Variants in NKAIN2 observed in about 807,000 individuals in gnomAD.
NKAIN2 encodes the protein sodium/potassium transporting ATPase interacting 2.
A neutral mutation model predicts 32.6 loss-of-function variants in NKAIN2; 14 were observed. That is an observed-to-expected ratio of 0.43 (90% CI 0.28 to 0.67). NKAIN2 has a LOEUF of 0.67. NKAIN2 is among the 30% of genes least tolerant of loss of function. The pLI is 0.17. For missense variants in NKAIN2, 198 were observed against 258.3 expected, an observed-to-expected ratio of 0.77 and a Z score of 1.60; for synonymous variants, 80 against 87.2, an observed-to-expected ratio of 0.92 and a Z score of 0.46.
chr6:123,968,567 T>C (rs965868801), intron 1 of NKAIN2, among the ~76,000 whole-genome samples: 3 of 152,186 alleles, frequency 2.0e-5, no homozygotes, highest in African/African-American at 7.2e-5. Flanking sequence ...AGATTCTTCA[T>C]TTATTTCTGC....
chr6:124,704,316 A>T (rs547276810), intron 4 of NKAIN2, among the ~76,000 whole-genome samples: 14 of 152,156 alleles, frequency 9.2e-5, no homozygotes, highest in Admixed American at 3.3e-4. Context: ...AGAAAGAAGA[A>T]ATACAGAGCA....
intron 4 of NKAIN2, among the ~76,000 whole-genome samples, chr6:124,677,167 C>T (rs781736345): frequency 4.6e-5 from 7 of 152,150 alleles, no homozygotes; most frequent in Non-Finnish European, 8.8e-5. Context: ...CAAGGTTTCA[C>T]CATGTTGGCC....
At chr6:124,263,486 T>C (rs1355608229) in intron 1 of NKAIN2, among the ~76,000 whole-genome samples, 1 of 152,206 alleles carries the variant, frequency 6.6e-6, no homozygotes, top group Non-Finnish European at 1.5e-5. Context: ...TCTGCCTGAC[T>C]CTGTACCTAT....
At chr6:124,049,005 T>G (rs1301582196) in intron 1 of NKAIN2, among the ~76,000 whole-genome samples, 2 of 152,060 alleles carry the variant, frequency 1.3e-5, no homozygotes, top group Non-Finnish European at 2.9e-5. Context: ...TAGTGCTTAT[T>G]GTTTAGACTC....
intron 1 of NKAIN2, among the ~76,000 whole-genome samples, chr6:123,908,096 AAG>A (rs1774980311): frequency 6.6e-6 from 1 of 152,190 alleles, no homozygotes. Flanking sequence ...AGTCAGGAGA[AAG>A]AGTTCGATTA....
At chr6:124,687,085 T>G (rs577020965) in intron 4 of NKAIN2, among the ~76,000 whole-genome samples, 16 of 151,838 alleles carry the variant, frequency 1.1e-4, no homozygotes, top group African/African-American at 3.9e-4. Flanking sequence ...GCAGACAGCC[T>G]ATTGTGGGAC....
chr6:124,534,439 C>T (rs1779641208), intron 3 of NKAIN2, among the ~76,000 whole-genome samples: 1 of 152,196 alleles, frequency 6.6e-6, no homozygotes, highest in South Asian at 2.1e-4. Context: ...GTGTGAGCCA[C>T]CATGCCAAGC....
At chr6:124,145,655 G>A (rs377586040) in intron 1 of NKAIN2, among the ~76,000 whole-genome samples, 92 of 152,060 alleles carry the variant, frequency 6.1e-4, no homozygotes, top group Middle Eastern at 3.4e-3. Flanking sequence ...ACAGGTGCCC[G>A]CCACCATGCC....
intron 4 of NKAIN2, among the ~76,000 whole-genome samples, chr6:124,729,292 T>G (rs1232673687): frequency 6.7e-6 from 1 of 149,232 alleles, no homozygotes; most frequent in Non-Finnish European, 1.5e-5. Context: ...TGATGAACAT[T>G]GATGCAAAAA....
chr6:124,083,461 T>C (rs1784062666), intron 1 of NKAIN2, among the ~76,000 whole-genome samples: 1 of 151,928 alleles, frequency 6.6e-6, no homozygotes. Context: ...TGCAGGATAA[T>C]AATGGCTGTT....
intron 3 of NKAIN2, among the ~76,000 whole-genome samples, chr6:124,477,513 C>T (rs1304893890): frequency 6.6e-6 from 1 of 152,126 alleles, no homozygotes; most frequent in Non-Finnish European, 1.5e-5. Context: ...AATCTGTCTG[C>T]CTGGATCTAC....
chr6:123,873,066 A>G (rs1400695341), intron 1 of NKAIN2, among the ~76,000 whole-genome samples: 1 of 152,218 alleles, frequency 6.6e-6, no homozygotes, highest in Non-Finnish European at 1.5e-5. Context: ...GATGGAACAT[A>G]AATTCTAGTG....
rs187162552 is a variant in NKAIN2, at chr6:124,590,977, C to T, written c.274-67209C>T. ...GGATTTCTCCCTTCTATGAGAGAGA[C>T]ACCATGTATATCAGGAACAAAGATC... On this transcript the variant is annotated intron_variant, in intron 3 of 6. Coordinates refer to ENST00000368417, the MANE Select transcript of NKAIN2 (RefSeq NM_001040214.3). Among the ~76,000 whole-genome samples, 30 of 152,302 alleles carry T rather than the reference C, an allele frequency of 2.0e-4. No individual in the cohort carries two copies. The East Asian group carries it at 5.4e-3, about 28-fold the overall frequency.
At chr6:124,793,033 A>T (rs746032561) in intron 5 of NKAIN2, among the ~76,000 whole-genome samples, 2 of 152,266 alleles carry the variant, frequency 1.3e-5, no homozygotes, top group Non-Finnish European at 2.9e-5. Flanking sequence ...AGAACTAGTT[A>T]AGACACCATG....
chr6:124,480,454 G>A (rs1380167650), intron 3 of NKAIN2, among the ~76,000 whole-genome samples: 3 of 152,124 alleles, frequency 2.0e-5, no homozygotes, highest in African/African-American at 7.2e-5. Context: ...CAGATATCAA[G>A]ATCTATGCCA....
intron 1 of NKAIN2, among the ~76,000 whole-genome samples, chr6:124,184,565 CT>C (rs1267112124): frequency 7.2e-5 from 11 of 152,264 alleles, no homozygotes; most frequent in African/African-American, 2.2e-4. Flanking sequence ...ACTATCTGTA[CT>C]CTCTGACTGC....
intron 3 of NKAIN2, among the ~76,000 whole-genome samples, chr6:124,614,845 G>A (rs190278970): frequency 5.0e-4 from 76 of 152,206 alleles, no homozygotes; most frequent in Admixed American, 1.7e-3. Context: ...ACTGCTCTTC[G>A]TTTCATTCCC....
At chr6:124,491,283 G>C (rs1464837908) in intron 3 of NKAIN2, among the ~76,000 whole-genome samples, 1 of 151,848 alleles carries the variant, frequency 6.6e-6, no homozygotes, top group African/African-American at 2.4e-5. Flanking sequence ...GTATGACTCC[G>C]AGAGCTTGAG....
chr6:124,289,004 T>A (rs1337512570), intron 2 of NKAIN2, among the ~76,000 whole-genome samples: 2 of 152,134 alleles, frequency 1.3e-5, no homozygotes, highest in African/African-American at 2.4e-5. Context: ...ATGAAATTAA[T>A]GTGTTTAAAG....
Sources: gnomAD v4.1 joint callset for allele counts (sites outside exome capture counted in the v4.1 genomes callset) on GRCh38, gnomAD v4.1.1 for gene constraint, MANE v1.5 for transcripts, NCBI Gene and HGNC (gene_info 2026-07-23, HGNC 2026-07-21) for gene names.